Variants in XRRA1 observed in about 807,000 individuals in gnomAD.
XRRA1 encodes the protein X-ray radiation resistance-associated protein 1.
XRRA1 carries 69 observed loss-of-function variants against 80.2 expected under a neutral mutation model. The observed-to-expected ratio is 0.86, with a 90% CI of 0.71 to 1.05. The LOEUF (loss-of-function observed/expected upper bound fraction) is 1.05, where lower values mean the gene tolerates loss of function less well. XRRA1 is among the 50% of genes least tolerant of loss of function. XRRA1 has a pLI of 0.00. For synonymous variants in XRRA1, 348 were observed against 389.9 expected (o/e 0.89, Z 1.27); for missense variants, 967 against 976.4 (o/e 0.99, Z 0.13).
chr11:74,906,283 A>G lies in XRRA1; in HGVS notation c.959T>C (p.Leu320Pro), dbSNP rs773974140. ...PRMLEDSDEQLDYTVLPMKKD... is the reference protein window; with the variant it reads ...PRMLEDSDEQPDYTVLPMKKD... ...TTTCATGGGCAGTACAGTATAATCC[A>G]GTTGCTCATCTGAGTCCTCAAGCAT... Residue 320 changes from leucine (L) to proline (P), a missense_variant, in exon 10 of 19, where the codon CTG becomes CCG. By Grantham distance (98) the Leu-to-Pro change is moderately conservative (BLOSUM62 -3). Transcript: ENST00000684022. 6.2e-7 allele frequency: 1 copy of G among 1,613,946 alleles called. No individual in the cohort carries two copies. Among genetic ancestry groups the G allele is most frequent in the South Asian group, 1.1e-5 (1 of 91,080 alleles).
At chr11:74,844,992 G>A (rs2037661277) in intron 16 of XRRA1, 81 bp downstream of exon 16, 1 of 1,434,504 alleles carries the variant, frequency 7.0e-7, no homozygotes, top group Non-Finnish European at 9.7e-7. Flanking sequence ...ACAGCTTGGT[G>A]CCAGCCTTGG....
chr11:74,918,802 T>A (rs1455466707), intron 8 of XRRA1: 1 of 152,194 alleles, frequency 6.6e-6, no homozygotes, highest in Non-Finnish European at 1.5e-5. Flanking sequence ...GAGAAGCAAC[T>A]CTCTTGTCTG....
chr11:74,847,737 A>G (rs1215651490), intron 15 of XRRA1, among the ~76,000 whole-genome samples: 1 of 152,132 alleles, frequency 6.6e-6, no homozygotes, highest in Admixed American at 6.5e-5. Flanking sequence ...TAAGGGCACG[A>G]CCTGCATCTG....
At chr11:74,844,343 C>T in intron 16 of XRRA1, 60 bp from the exon 17 acceptor site, 1 of 1,263,742 alleles carries the variant, frequency 7.9e-7, no homozygotes, top group Non-Finnish European at 1.1e-6. Flanking sequence ...CAGATGCCTC[C>T]CCTGATTGCT....
intron 10 of XRRA1, among the ~76,000 whole-genome samples, chr11:74,890,035 TC>T (rs1327868769): frequency 1.3e-5 from 2 of 152,148 alleles, no homozygotes; most frequent in African/African-American, 2.4e-5. Context: ...TGAACTTAGC[TC>T]TGCACCAAGC....
At chr11:74,924,278 A>G (rs1375223616) in intron 7 of XRRA1, among the ~76,000 whole-genome samples, 2 of 149,788 alleles carry the variant, frequency 1.3e-5, no homozygotes, top group African/African-American at 4.9e-5. Flanking sequence ...GATCGAGACC[A>G]TCCTGGCTAA....
At chr11:74,871,614 C>A (rs892004593) in intron 10 of XRRA1, among the ~76,000 whole-genome samples, 4 of 152,150 alleles carry the variant, frequency 2.6e-5, no homozygotes, top group African/African-American at 9.7e-5. Flanking sequence ...AGTGTCCCGG[C>A]TCTTCCTGTC....
At chr11:74,889,600 C>T (rs1014248753) in intron 10 of XRRA1, among the ~76,000 whole-genome samples, 1 of 152,310 alleles carries the variant, frequency 6.6e-6, no homozygotes, top group Admixed American at 6.5e-5. Context: ...TTAAAAGACA[C>T]AGACTGGCAA....
intron 12 of XRRA1, among the ~76,000 whole-genome samples, chr11:74,855,989 AGG>A (rs1362121642): frequency 2.4e-5 from 3 of 124,444 alleles, no homozygotes; most frequent in African/African-American, 5.1e-5. Context: ...AAAATTAGCC[AGG>A]CGTGGTAGCG....
At chr11:74,844,543 A>G (rs1311842244) in intron 16 of XRRA1, among the ~76,000 whole-genome samples, 1 of 152,138 alleles carries the variant, frequency 6.6e-6, no homozygotes, top group Non-Finnish European at 1.5e-5. Context: ...GGAGTGGGGG[A>G]AAAGGCTGGC....
intron 2 of XRRA1, among the ~76,000 whole-genome samples, chr11:74,941,457 A>G (rs1946324093): frequency 6.6e-6 from 1 of 152,192 alleles, no homozygotes; most frequent in Non-Finnish European, 1.5e-5. Context: ...CCAAACAGCA[A>G]GGGCCACAGG....
chr11:74,863,292 T>C (rs1259786781), intron 10 of XRRA1: 2 of 490,552 alleles, frequency 4.1e-6, no homozygotes, highest in African/African-American at 3.9e-5. Context: ...TTCTTCAGTC[T>C]CATTTCATGA....
At chr11:74,933,403 C>T (rs572930472) in intron 5 of XRRA1, 1 of 160,028 alleles carries the variant, frequency 6.2e-6, no homozygotes, top group African/African-American at 2.4e-5. Context: ...ATTACAGGTG[C>T]CTGCTACCAT....
At chr11:74,926,763 CA>C (rs1942336417) in intron 7 of XRRA1, among the ~76,000 whole-genome samples, 2 of 152,112 alleles carry the variant, frequency 1.3e-5, no homozygotes, top group Non-Finnish European at 2.9e-5. Context: ...AGAATGCAAA[CA>C]AAATTTTCTG....
intron 1 of XRRA1, among the ~76,000 whole-genome samples, chr11:74,946,206 G>T (rs746841337): frequency 2.6e-5 from 4 of 152,154 alleles, no homozygotes; most frequent in Non-Finnish European, 4.4e-5. Context: ...GCCTCTCAAA[G>T]TGTTGGGATT....
At chr11:74,872,686 G>A (rs1348675726) in intron 10 of XRRA1, among the ~76,000 whole-genome samples, 1 of 152,126 alleles carries the variant, frequency 6.6e-6, no homozygotes, top group Non-Finnish European at 1.5e-5. Context: ...TTCAGAACCA[G>A]TCTCACAGAT....
At chr11:74,913,818 C>T (rs910735891) in intron 8 of XRRA1, 7 of 152,052 alleles carry the variant, frequency 4.6e-5, no homozygotes, top group African/African-American at 1.2e-4. Context: ...CAGGGTACTA[C>T]GATATGGATT....
intron 8 of XRRA1, among the ~76,000 whole-genome samples, chr11:74,915,640 T>C (rs1376085664): frequency 1.3e-5 from 2 of 152,236 alleles, no homozygotes; most frequent in African/African-American, 4.8e-5. Flanking sequence ...AGATTATAAA[T>C]GTATTTTTGG....
intron 4 of XRRA1, among the ~76,000 whole-genome samples, chr11:74,934,385 T>C (rs573715114): frequency 6.6e-6 from 1 of 152,340 alleles, no homozygotes; most frequent in African/African-American, 2.4e-5. Flanking sequence ...GTACCCACCA[T>C]GTTTAGGCAC....
Sources: allele counts gnomAD v4.1 joint callset (sites outside exome capture counted in the v4.1 genomes callset), GRCh38; gene constraint gnomAD v4.1.1; transcripts MANE v1.5; gene names NCBI Gene and HGNC (gene_info 2026-07-23, HGNC 2026-07-21).